Variants in SSBP2 observed in about 807,000 individuals in gnomAD.
The protein encoded by SSBP2 is single-stranded DNA-binding protein 2.
A neutral mutation model predicts 61.8 loss-of-function variants in SSBP2; 17 were observed. The ratio of observed to expected loss-of-function variants is 0.28; its 90% CI spans 0.19 to 0.41. The LOEUF (loss-of-function observed/expected upper bound fraction) is 0.41. Among genes scored for constraint, SSBP2 ranks in the 10% least tolerant of loss-of-function variants. The pLI, the probability that SSBP2 is intolerant of heterozygous loss-of-function variation, is 1.00. For missense variants in SSBP2, 310 were observed against 458.7 expected, an observed-to-expected ratio of 0.68 and a Z score of 2.96; for synonymous variants, 139 against 141.3, an observed-to-expected ratio of 0.98 and a Z score of 0.12.
chr5:81,490,030 T>TAAA (rs74271580), intron 5 of SSBP2, among the ~76,000 whole-genome samples: 16 of 136,026 alleles, frequency 1.2e-4, no homozygotes, highest in African/African-American at 4.3e-4. Flanking sequence ...TTTCATTTCT[T>TAAA]AAAAAAAAAA....
At chr5:81,647,038 A>G (rs1749335881) in intron 2 of SSBP2, among the ~76,000 whole-genome samples, 1 of 152,066 alleles carries the variant, frequency 6.6e-6, no homozygotes, top group Admixed American at 6.6e-5. Flanking sequence ...ATTATCAAGA[A>G]CTCTAGGATG....
At chr5:81,639,589 A>G (rs1198674613) in intron 2 of SSBP2, among the ~76,000 whole-genome samples, 2 of 152,218 alleles carry the variant, frequency 1.3e-5, no homozygotes, top group African/African-American at 2.4e-5. Context: ...GTAAAGTGGA[A>G]TTACAACTTT....
intron 4 of SSBP2, among the ~76,000 whole-genome samples, chr5:81,560,067 CT>C (rs1402212913): frequency 6.6e-6 from 1 of 152,122 alleles, no homozygotes; most frequent in African/African-American, 2.4e-5. Flanking sequence ...GAAAAATAAA[CT>C]TTAACTTAAA....
intron 15 of SSBP2, among the ~76,000 whole-genome samples, chr5:81,432,418 C>T (rs1170822574): frequency 2.0e-5 from 3 of 152,148 alleles, no homozygotes; most frequent in Admixed American, 6.5e-5. Context: ...TATGTTAATA[C>T]GAACTGCAGA....
chr5:81,635,580 ATTT>A (rs35464950), intron 3 of SSBP2, among the ~76,000 whole-genome samples: 88 of 130,860 alleles, frequency 6.7e-4, no homozygotes, highest in Middle Eastern at 3.9e-3. Flanking sequence ...GTAGAAAGCA[ATTT>A]TTTTTTTTTT....
rs533446831 is a variant in SSBP2, at chr5:81,500,636, T to G, written c.373-11327A>C. Among the ~76,000 whole-genome samples, 7 of 152,160 alleles carry G rather than the reference T, an allele frequency of 4.6e-5. No individual in the cohort carries two copies. In the South Asian group the frequency reaches 1.5e-3, roughly 32 times the overall value. On this transcript the variant is annotated intron_variant, in intron 5 of 16. Coordinates refer to ENST00000320672, the MANE Select transcript of SSBP2 (RefSeq NM_012446.5). ...CCACCATGCCCAGCTAATTTTTGTA[T>G]TTTTAGTAGAGACGGGATTTCACCA...
Position 81,501,212 on chromosome 5 carries a change from A to AATATAT in SSBP2, c.373-11909_373-11904dup, listed in dbSNP as rs1167504052. Among the ~76,000 whole-genome samples, 70 of 28,814 alleles carry AATATAT rather than the reference A, an allele frequency of 2.4e-3. 1 individual carries two copies. Among genetic ancestry groups the AATATAT allele is most frequent in the Middle Eastern group, 0.022 (1 of 46 alleles). The allele number at this position is 28,814 out of a possible 152,430, so 18.9% of individuals were successfully genotyped here. ...GGTGACAGAGGGAGACTCCATCTCA[A>AATATAT]ATATATATATATATATATATATATA... is the stretch of plus-strand genomic sequence containing the variant. On this transcript the variant is annotated intron_variant, in intron 5 of 16. Transcript: ENST00000320672.
At chr5:81,439,288 G>T (rs1762861150) in intron 14 of SSBP2, among the ~76,000 whole-genome samples, 1 of 151,626 alleles carries the variant, frequency 6.6e-6, no homozygotes, top group Non-Finnish European at 1.5e-5. Context: ...TTAGTTTATG[G>T]TCATGTTACT....
At chr5:81,706,802 T>G (rs1754426539) in intron 1 of SSBP2, among the ~76,000 whole-genome samples, 1 of 152,196 alleles carries the variant, frequency 6.6e-6, no homozygotes. Context: ...CTTGATAGTC[T>G]GATTAATCTC....
intron 12 of SSBP2, among the ~76,000 whole-genome samples, chr5:81,445,138 T>TTTTA (rs1554065521): frequency 5.9e-5 from 2 of 33,896 alleles, no homozygotes; most frequent in Non-Finnish European, 1.1e-4. Flanking sequence ...AAAAAAAATT[T>TTTTA]TATATATATA....
chr5:81,737,162 T>C (rs1756676531), intron 1 of SSBP2, among the ~76,000 whole-genome samples: 1 of 152,096 alleles, frequency 6.6e-6, no homozygotes, highest in Non-Finnish European at 1.5e-5. Flanking sequence ...TAGCATACCA[T>C]TATTGTCATC....
chr5:81,559,732 A>G (rs1265758084), intron 4 of SSBP2, among the ~76,000 whole-genome samples: 1 of 152,022 alleles, frequency 6.6e-6, no homozygotes, highest in Non-Finnish European at 1.5e-5. Flanking sequence ...TACAGTAATA[A>G]TTTGGTCTTG....
chr5:81,531,576 T>C (rs1291541756), intron 4 of SSBP2, among the ~76,000 whole-genome samples: 1 of 152,054 alleles, frequency 6.6e-6, no homozygotes, highest in East Asian at 1.9e-4. Context: ...AAAAATGGAA[T>C]GCTTATTGTG....
intron 14 of SSBP2, among the ~76,000 whole-genome samples, chr5:81,438,264 T>A (rs1473011397): frequency 6.6e-6 from 1 of 151,270 alleles, no homozygotes; most frequent in Non-Finnish European, 1.5e-5. Flanking sequence ...GGCGGGAAAT[T>A]CACTTGAACC....
intron 4 of SSBP2, among the ~76,000 whole-genome samples, chr5:81,532,000 T>C (rs1041154481): frequency 6.6e-6 from 1 of 152,070 alleles, no homozygotes; most frequent in African/African-American, 2.4e-5. Context: ...GATATGAAGT[T>C]ATCAGCTGTT....
At chr5:81,635,839 C>T (rs1177696118) in intron 3 of SSBP2, among the ~76,000 whole-genome samples, 3 of 152,188 alleles carry the variant, frequency 2.0e-5, no homozygotes, top group Non-Finnish European at 4.4e-5. Flanking sequence ...CCGCCTCGGC[C>T]TCCCAAAGTG....
At chr5:81,623,282 C>G (rs1201737274) in intron 3 of SSBP2, among the ~76,000 whole-genome samples, 1 of 151,372 alleles carries the variant, frequency 6.6e-6, no homozygotes, top group Non-Finnish European at 1.5e-5. Context: ...CAGAAGACCT[C>G]TCTTGAAAAG....
At chr5:81,616,282 T>C (rs889374052) in intron 3 of SSBP2, 5 of 146,794 alleles carry the variant, frequency 3.4e-5, no homozygotes, top group South Asian at 2.3e-4. Context: ...AGGCATTGCC[T>C]CACCTGGGAA....
rs1242398509 is a variant in SSBP2, at chr5:81,751,029, C to G, written c.14G>C (p.Gly5Ala). The change falls in exon 1 of 17, where the codon GGC becomes GCC. Residue 5 changes from glycine (G) to alanine (A), a missense_variant. By Grantham distance (60) the Gly-to-Ala change is moderately conservative (BLOSUM62 0). This residue lies in a region of SSBP2 where 36 missense variants were observed against 27.0 expected (regional missense o/e 1.33). Coordinates refer to ENST00000320672, the MANE Select transcript of SSBP2 (RefSeq NM_012446.5). ...CGGGACGGCGCTGCTGTTACTCTTG[C>G]CTTTGCCGTACATGCTTGTGCCGAG... 6.3e-7 allele frequency: 1 copy of G among 1,598,818 alleles called. No individual in the cohort carries two copies. Among genetic ancestry groups the G allele is most frequent in the Admixed American group, 1.7e-5 (1 of 58,168 alleles).
Sources: allele counts gnomAD v4.1 joint callset (sites outside exome capture counted in the v4.1 genomes callset), GRCh38; gene constraint gnomAD v4.1.1; regional missense constraint gnomAD v4.1.1; transcripts MANE v1.5; gene names NCBI Gene and HGNC (gene_info 2026-07-23, HGNC 2026-07-21).